Variants in LRRIQ3 observed in about 807,000 individuals in gnomAD.
LRRIQ3 encodes the protein leucine rich repeats and IQ motif containing 3, also known as leucine-rich repeat and IQ domain-containing protein 3.
LRRIQ3 carries 75 observed loss-of-function variants against 59.3 expected under a neutral mutation model. The ratio of observed to expected loss-of-function variants is 1.26; its 90% CI spans 1.05 to 1.53. The LOEUF (loss-of-function observed/expected upper bound fraction) is 1.53, where lower values mean the gene tolerates loss of function less well. Ranked by LOEUF, LRRIQ3 falls within the 40% of genes most tolerant of loss-of-function variation. The pLI, the probability that LRRIQ3 is intolerant of heterozygous loss-of-function variation, is 0.00. For synonymous variants in LRRIQ3, 250 were observed against 231.3 expected (o/e 1.08, Z -0.73); for missense variants, 831 against 710.0 (o/e 1.17, Z -1.94).
At chr1:74,084,128 A>T (rs1646301958) in intron 5 of LRRIQ3, 1 of 1,533,218 alleles carries the variant, frequency 6.5e-7, no homozygotes, top group Non-Finnish European at 8.8e-7. Flanking sequence ...CCAATGAATG[A>T]TGTGCATAAT....
intron 3 of LRRIQ3, among the ~76,000 whole-genome samples, chr1:74,164,475 A>G (rs1410719202): frequency 1.3e-5 from 2 of 151,486 alleles, no homozygotes; most frequent in African/African-American, 4.8e-5. Flanking sequence ...TGATGCCTCA[A>G]TCTTGGATTT....
At chr1:74,098,884 C>G (rs1207450290) in intron 5 of LRRIQ3, among the ~76,000 whole-genome samples, 1 of 152,128 alleles carries the variant, frequency 6.6e-6, no homozygotes, top group South Asian at 2.1e-4. Flanking sequence ...ATACCAGAAT[C>G]TCTGGGACAC....
chr1:74,143,222 C>G (rs1438621057), intron 4 of LRRIQ3, among the ~76,000 whole-genome samples: 1 of 151,914 alleles, frequency 6.6e-6, no homozygotes, highest in Non-Finnish European at 1.5e-5. Flanking sequence ...ACGGGAGACA[C>G]TATTTTATGG....
chr1:74,055,617 A>G (rs1002263084), intron 6 of LRRIQ3, among the ~76,000 whole-genome samples: 2 of 151,968 alleles, frequency 1.3e-5, no homozygotes, highest in Non-Finnish European at 2.9e-5. Context: ...TGGTTGATGG[A>G]TATTTGATTT....
At chr1:74,058,661 G>A (rs571676413) in intron 6 of LRRIQ3, among the ~76,000 whole-genome samples, 1 of 152,004 alleles carries the variant, frequency 6.6e-6, no homozygotes, top group Non-Finnish European at 1.5e-5. Context: ...GCACTGGGGA[G>A]TGACTATCAT....
At chr1:74,057,795 A>T (rs1654582539) in intron 6 of LRRIQ3, among the ~76,000 whole-genome samples, 1 of 152,142 alleles carries the variant, frequency 6.6e-6, no homozygotes, top group Non-Finnish European at 1.5e-5. Flanking sequence ...AATCAGCAGA[A>T]TTGGAGAACA....
At chr1:74,121,151 G>C (rs1348865573) in intron 4 of LRRIQ3, among the ~76,000 whole-genome samples, 1 of 152,036 alleles carries the variant, frequency 6.6e-6, no homozygotes, top group Non-Finnish European at 1.5e-5. Context: ...AAAACTACTT[G>C]AGAATAGTGT....
At chr1:74,127,360 G>A (rs1646951778) in intron 4 of LRRIQ3, among the ~76,000 whole-genome samples, 1 of 151,748 alleles carries the variant, frequency 6.6e-6, no homozygotes, top group Non-Finnish European at 1.5e-5. Context: ...ATTGTTGATA[G>A]GTAAGATTTT....
intron 4 of LRRIQ3, among the ~76,000 whole-genome samples, chr1:74,110,194 C>A (rs186048736): frequency 8.4e-4 from 128 of 151,872 alleles, no homozygotes; most frequent in African/African-American, 3.0e-3. Flanking sequence ...CATGTTTTCC[C>A]TCTAAGATTA....
At chr1:74,107,613 GATA>G (rs948510154) in intron 5 of LRRIQ3, among the ~76,000 whole-genome samples, 1 of 149,486 alleles carries the variant, frequency 6.7e-6, no homozygotes, top group African/African-American at 2.4e-5. Context: ...AATAATGAAA[GATA>G]ATAATAAGAG....
intron 4 of LRRIQ3, among the ~76,000 whole-genome samples, chr1:74,113,710 T>C (rs901733069): frequency 6.6e-6 from 1 of 152,024 alleles, no homozygotes; most frequent in African/African-American, 2.4e-5. Flanking sequence ...GAAGGTGAAA[T>C]AACAATGTTT....
intron 5 of LRRIQ3, among the ~76,000 whole-genome samples, chr1:74,103,900 GCT>G (rs1224662639): frequency 2.0e-5 from 3 of 151,596 alleles, no homozygotes; most frequent in Non-Finnish European, 2.9e-5. Flanking sequence ...TGACTTGCCA[GCT>G]CTGTTCTGCA....
chr1:74,100,500 T>A (rs1327492619), intron 5 of LRRIQ3, among the ~76,000 whole-genome samples: 1 of 152,156 alleles, frequency 6.6e-6, no homozygotes, highest in African/African-American at 2.4e-5. Flanking sequence ...ATTTATAGAT[T>A]CAATGCCATC....
At chr1:74,144,479 G>GTTTT in intron 4 of LRRIQ3, 2 of 257,812 alleles carry the variant, frequency 7.8e-6, no homozygotes, top group South Asian at 3.5e-5. Context: ...GAAAAAAAAT[G>GTTTT]TTTTTTTTTT....
chr1:74,057,355 C>T (rs61776722), intron 6 of LRRIQ3, among the ~76,000 whole-genome samples: 15 of 151,770 alleles, frequency 9.9e-5, no homozygotes, highest in Non-Finnish European at 1.9e-4. Context: ...TATACTAAAA[C>T]GGTATAGTAA....
At chr1:74,174,433 A>G (rs377438005) in intron 3 of LRRIQ3, among the ~76,000 whole-genome samples, 1 of 151,726 alleles carries the variant, frequency 6.6e-6, no homozygotes, top group East Asian at 1.9e-4. Flanking sequence ...CCCAGGCTGC[A>G]CTGCAATGGT....
intron 6 of LRRIQ3, among the ~76,000 whole-genome samples, chr1:74,053,837 A>T (rs1434932054): frequency 6.6e-6 from 1 of 152,212 alleles, no homozygotes; most frequent in Non-Finnish European, 1.5e-5. Flanking sequence ...CACCTACTAG[A>T]ATGGCCAAAA....
At chr1:74,070,633 T>C (rs1655000292) in intron 6 of LRRIQ3, among the ~76,000 whole-genome samples, 2 of 152,054 alleles carry the variant, frequency 1.3e-5, no homozygotes, top group African/African-American at 4.8e-5. Flanking sequence ...TAAAATGATA[T>C]ATATATGTAT....
chr1:74,083,930 G>A, intron 5 of LRRIQ3: 1 of 367,006 alleles, frequency 2.7e-6, no homozygotes, highest in Non-Finnish European at 4.9e-6. Context: ...TTTAAGAATT[G>A]TAATGTTAGC....
Sources: gnomAD v4.1 joint callset for allele counts (sites outside exome capture counted in the v4.1 genomes callset) on GRCh38, gnomAD v4.1.1 for gene constraint, MANE v1.5 for transcripts, NCBI Gene and HGNC (gene_info 2026-07-23, HGNC 2026-07-21) for gene names.